The following SH3BGRL variants were observed in gnomAD, a reference collection of about 807,000 sequenced individuals.
SH3BGRL encodes the protein adapter SH3BGRL.
SH3BGRL carries 7 observed loss-of-function variants against 9.8 expected under a neutral mutation model. The ratio of observed to expected loss-of-function variants is 0.72; its 90% CI spans 0.41 to 1.35. SH3BGRL has a LOEUF of 1.35. Ranked by LOEUF, SH3BGRL falls within the 40% of genes most tolerant of loss-of-function variation. The pLI is 0.01. For missense variants in SH3BGRL, 73 were observed against 84.4 expected, an observed-to-expected ratio of 0.86 and a Z score of 0.53; for synonymous variants, 36 against 29.1, an observed-to-expected ratio of 1.24 and a Z score of -0.76.
chrX:81,224,117 T>C (rs1421930171), intron 1 of SH3BGRL, among the ~76,000 whole-genome samples: 1 of 112,162 alleles, frequency 8.9e-6, no homozygotes, highest in African/African-American at 3.2e-5. Flanking sequence ...CTTTAAAAGG[T>C]TCAATTTCCA....
intron 1 of SH3BGRL, among the ~76,000 whole-genome samples, chrX:81,225,005 G>C: frequency 9.1e-6 from 1 of 110,336 alleles, no homozygotes; most frequent in African/African-American, 3.3e-5. Flanking sequence ...TCAGATAATT[G>C]CTTGATGAAT....
At position 81,269,638 on chromosome X, in the gene SH3BGRL, C is replaced by T. The variant is rs757424069; in HGVS notation, c.46-7346C>T. On this transcript the variant is annotated intron_variant, in intron 1 of 3. Coordinates refer to ENST00000373212, the MANE Select transcript of SH3BGRL (RefSeq NM_003022.3). ...TGGGTAACCCGACCTTTCTCCCTGG[C>T]TGCCCTTAACATTTTTTCCTTCATT... Among the ~76,000 whole-genome samples, 92 of 111,369 alleles carry T rather than the reference C, an allele frequency of 8.3e-4. 1 individual carries two copies. In the South Asian group the frequency reaches 0.035, roughly 42 times the overall value.
chrX:81,208,620 C>T (rs1488365960), intron 1 of SH3BGRL, among the ~76,000 whole-genome samples: 1 of 112,261 alleles, frequency 8.9e-6, no homozygotes, highest in African/African-American at 3.2e-5. Flanking sequence ...GCTTTCAGAT[C>T]TACTTTGCGG....
chrX:81,209,898 G>C (rs1602592099), intron 1 of SH3BGRL, among the ~76,000 whole-genome samples: 1 of 111,680 alleles, frequency 9.0e-6, no homozygotes, highest in African/African-American at 3.3e-5. Flanking sequence ...ATGCTGGCCT[G>C]TGTTACATAC....
chrX:81,278,740 C>T (rs911027370), intron 3 of SH3BGRL, among the ~76,000 whole-genome samples: 4 of 111,812 alleles, frequency 3.6e-5, no homozygotes, highest in South Asian at 3.7e-4. Context: ...GGTTCTACAT[C>T]GACAGTAAGC....
At chrX:81,271,012 C>T (rs1342546214) in intron 1 of SH3BGRL, among the ~76,000 whole-genome samples, 1 of 112,360 alleles carries the variant, frequency 8.9e-6, no homozygotes, top group Non-Finnish European at 1.9e-5. Context: ...GACTGCTGCA[C>T]TAGCAGTGAG....
intron 1 of SH3BGRL, among the ~76,000 whole-genome samples, chrX:81,263,940 T>C (rs987510834): frequency 1.8e-5 from 2 of 110,322 alleles, no homozygotes; most frequent in African/African-American, 6.6e-5. Context: ...ATGTGCTGTA[T>C]TGTTCTCGGT....
chrX:81,212,296 G>A (rs2075567390), intron 1 of SH3BGRL, among the ~76,000 whole-genome samples: 1 of 111,294 alleles, frequency 9.0e-6, no homozygotes, highest in African/African-American at 3.3e-5. Context: ...ACAATGTTGA[G>A]GGGACAATCA....
At chrX:81,273,735 A>G (rs1355706126) in intron 1 of SH3BGRL, among the ~76,000 whole-genome samples, 2 of 100,378 alleles carry the variant, frequency 2.0e-5, no homozygotes, top group African/African-American at 7.4e-5. Context: ...TGAAGTTTTG[A>G]TCTTTCTTTG....
At chrX:81,235,464 A>G (rs952777581) in intron 1 of SH3BGRL, among the ~76,000 whole-genome samples, 1 of 110,677 alleles carries the variant, frequency 9.0e-6, no homozygotes, top group Non-Finnish European at 1.9e-5. Flanking sequence ...TCAGTTGACA[A>G]AAGTAGAACG....
chrX:81,210,053 C>T (rs1048601197), intron 1 of SH3BGRL, among the ~76,000 whole-genome samples: 1 of 111,188 alleles, frequency 9.0e-6, no homozygotes, highest in Admixed American at 9.6e-5. Context: ...GACTCTAGTC[C>T]TTGATTTCTG....
intron 1 of SH3BGRL, among the ~76,000 whole-genome samples, chrX:81,266,621 G>T (rs1172422707): frequency 9.0e-6 from 1 of 111,701 alleles, no homozygotes; most frequent in Non-Finnish European, 1.9e-5. Context: ...TTGTAGTAAA[G>T]TTTGAAGTCA....
chrX:81,256,592 A>G (rs1263560589), intron 1 of SH3BGRL, among the ~76,000 whole-genome samples: 1 of 112,055 alleles, frequency 8.9e-6, no homozygotes, highest in Non-Finnish European at 1.9e-5. Context: ...TTTACTGGGC[A>G]TACAAAGTAG....
chrX:81,223,346 A>G (rs1415185051), intron 1 of SH3BGRL, among the ~76,000 whole-genome samples: 1 of 110,689 alleles, frequency 9.0e-6, no homozygotes, highest in East Asian at 2.8e-4. Flanking sequence ...TTTGTGGTGA[A>G]GTGGGAGATC....
chrX:81,249,636 T>C (rs2075702768), intron 1 of SH3BGRL, among the ~76,000 whole-genome samples: 1 of 112,419 alleles, frequency 8.9e-6, no homozygotes, highest in South Asian at 3.6e-4. Flanking sequence ...AGTATTTTTG[T>C]CTTCTCTTGT....
intron 1 of SH3BGRL, among the ~76,000 whole-genome samples, chrX:81,262,743 G>A (rs1488984171): frequency 1.8e-5 from 2 of 112,082 alleles, no homozygotes; most frequent in Non-Finnish European, 3.8e-5. Context: ...GATATATGGA[G>A]ACTTTTTACT....
At chrX:81,279,994 G>A (rs1039692002) in intron 3 of SH3BGRL, among the ~76,000 whole-genome samples, 9 of 111,345 alleles carry the variant, frequency 8.1e-5, no homozygotes, top group Non-Finnish European at 1.5e-4. Flanking sequence ...GTTGGACGGG[G>A]GCTTGGTGGA....
intron 1 of SH3BGRL, among the ~76,000 whole-genome samples, chrX:81,211,711 C>G (rs2075565201): frequency 9.0e-6 from 1 of 111,452 alleles, no homozygotes; most frequent in Non-Finnish European, 1.9e-5. Flanking sequence ...ACAGGCCTAG[C>G]CTCCCACTTT....
intron 1 of SH3BGRL, among the ~76,000 whole-genome samples, chrX:81,228,814 A>G (rs763949209): frequency 7.6e-4 from 85 of 112,353 alleles, no homozygotes; most frequent in African/African-American, 2.6e-3. Flanking sequence ...TTACTTTGTT[A>G]CATATAATGT....
Sources: allele counts gnomAD v4.1 joint callset (sites outside exome capture counted in the v4.1 genomes callset), GRCh38; gene constraint gnomAD v4.1.1; transcripts MANE v1.5; gene names NCBI Gene and HGNC (gene_info 2026-07-23, HGNC 2026-07-21).